PIWIL1: variants seen among roughly 807,000 people sequenced by gnomAD.
The protein encoded by PIWIL1 is piwi-like protein 1.
A neutral mutation model predicts 114.4 loss-of-function variants in PIWIL1; 73 were observed. That is an observed-to-expected ratio of 0.64 (90% CI 0.53 to 0.78). The LOEUF is 0.78. Ranked by LOEUF, PIWIL1 falls within the 30% of genes least tolerant of loss-of-function variation. PIWIL1 has a pLI of 0.00. For synonymous variants in PIWIL1, 375 were observed against 369.0 expected (o/e 1.02, Z -0.19); for missense variants, 723 against 1,063.1 (o/e 0.68, Z 4.45).
rs777684447 is a variant in PIWIL1 at position 130,349,911 on chromosome 12, A to T, written c.988A>T (p.Ser330Cys). Residue 330 changes from serine (S) to cysteine (C), a missense_variant, in exon 9 of 21, where the codon AGC (serine) becomes TGC (cysteine). Around this residue, in one of 8 missense-constraint regions of PIWIL1, gnomAD observed 298 missense variants for 420.8 expected, o/e 0.71. Coordinates refer to ENST00000245255, the MANE Select transcript of PIWIL1 (RefSeq NM_004764.5). ...DDIDWDQNPK[S>C]TFKKADGSEV... ...TATTGACTGGGACCAGAATCCCAAG[A>T]GCACCTTTAAGAAAGCCGACGGCTC... The T allele has an allele frequency of 6.2e-7, 1 of 1,613,566 alleles. No homozygotes were observed. The highest frequency in any genetic ancestry group is 2.2e-5 in the East Asian group (1 of 44,842).
intron 16 of PIWIL1, 22 bp downstream of exon 16, chr12:130,361,623 T>C: frequency 6.3e-7 from 1 of 1,579,410 alleles, no homozygotes; most frequent in Non-Finnish European, 8.7e-7. Flanking sequence ...TGGGCTACTG[T>C]GGGTGGCAGT....
chr12:130,367,283 G>A (rs2073686031), intron 19 of PIWIL1, 25 bp downstream of exon 19: 1 of 1,591,498 alleles, frequency 6.3e-7, no homozygotes, highest in African/African-American at 1.3e-5. Flanking sequence ...ATGAGCTGAA[G>A]GTTGTTTTCT....
chr12:130,393,514 C>T, the PIWIL1 span, among the ~76,000 whole-genome samples: 1 of 149,702 alleles, frequency 6.7e-6, no homozygotes, highest in East Asian at 2.0e-4. Flanking sequence ...ACCCAGTCAC[C>T]GTCATCACGT....
At chr12:130,390,691 T>C in the PIWIL1 span, among the ~76,000 whole-genome samples, 1 of 152,222 alleles carries the variant, frequency 6.6e-6, no homozygotes, top group African/African-American at 2.4e-5. Context: ...CCCCTTACTC[T>C]GAAGTCATTT....
downstream of PIWIL1, among the ~76,000 whole-genome samples, chr12:130,374,452 T>C (rs2073851706): frequency 6.6e-6 from 1 of 152,258 alleles, no homozygotes; most frequent in African/African-American, 2.4e-5. Flanking sequence ...AAAAATCCAT[T>C]GTGTACAATA....
the PIWIL1 span, among the ~76,000 whole-genome samples, chr12:130,410,612 G>C: frequency 1.3e-5 from 2 of 152,200 alleles, no homozygotes; most frequent in Non-Finnish European, 2.9e-5. Flanking sequence ...TGATTGAAAA[G>C]AGCATCCTTT....
intron 12 of PIWIL1, among the ~76,000 whole-genome samples, chr12:130,356,630 A>T (rs2073373290): frequency 6.6e-6 from 1 of 152,154 alleles, no homozygotes; most frequent in South Asian, 2.1e-4. Flanking sequence ...AAGATTTTTT[A>T]AAAGATTAAG....
At chr12:130,424,010 A>C in the PIWIL1 span, 1 of 451,954 alleles carries the variant, frequency 2.2e-6, no homozygotes, top group East Asian at 3.5e-5. The surrounding 1 kb of genome is among the most constrained non-coding windows in gnomAD (Gnocchi z 9.8). Context: ...GAAATCAAAA[A>C]TGCAGGGAAA....
chr12:130,377,032 A>G (rs11060851), downstream of PIWIL1, among the ~76,000 whole-genome samples: 4 of 152,100 alleles, frequency 2.6e-5, no homozygotes, highest in East Asian at 7.7e-4. Flanking sequence ...GCCCTCTGTG[A>G]CCACCCCCTG....
At chr12:130,378,729 T>C in the PIWIL1 span, among the ~76,000 whole-genome samples, 1 of 152,242 alleles carries the variant, frequency 6.6e-6, no homozygotes, top group African/African-American at 2.4e-5. Flanking sequence ...GCTGAGCATC[T>C]TTTTGTTTAC....
chr12:130,384,860 T>TA, the PIWIL1 span, among the ~76,000 whole-genome samples: 2 of 152,280 alleles, frequency 1.3e-5, no homozygotes, highest in Admixed American at 6.5e-5. Flanking sequence ...TTTTAAAAAA[T>TA]AAAAAATCTA....
chr12:130,411,038 T>G, the PIWIL1 span, among the ~76,000 whole-genome samples: 102 of 152,344 alleles, frequency 6.7e-4, no homozygotes, highest in African/African-American at 2.4e-3. Context: ...TTTTCTGATT[T>G]TCGGCATACA....
chr12:130,345,928 G>A (rs771327509), intron 4 of PIWIL1, 50 bp downstream of exon 4: 12 of 1,592,514 alleles, frequency 7.5e-6, no homozygotes, highest in Non-Finnish European at 1.7e-6. Context: ...AGGAACACAG[G>A]ACAGTGAATT....
rs768888963 is a variant in PIWIL1, at chr12:130,363,010, T to C, written c.2061T>C (p.Asn687=). 6.2e-6 allele frequency: 10 copies of C among 1,613,978 alleles called. No homozygotes were observed. Among genetic ancestry groups the C allele is most frequent in the South Asian group, 1.1e-5 (1 of 91,080 alleles). The change falls in exon 18 of 21, where the codon AAT becomes AAC. Residue 687 remains asparagine, a synonymous_variant. Coordinates refer to ENST00000245255, the MANE Select transcript of PIWIL1 (RefSeq NM_004764.5). ...VCLQAALRAW[N]SCNEYMPSRI... ...TTTCAGCGGCTCTGAGGGCTTGGAATAGCTGCAATGAGTACATGCCCAGCC... is the reference window on the plus strand; with the variant it reads ...TTTCAGCGGCTCTGAGGGCTTGGAACAGCTGCAATGAGTACATGCCCAGCC...
intron 3 of PIWIL1, among the ~76,000 whole-genome samples, chr12:130,343,730 A>G (rs2072993765): frequency 2.1e-5 from 3 of 145,894 alleles, no homozygotes; most frequent in South Asian, 2.1e-4. Flanking sequence ...GGTTCCTGCC[A>G]TTCTCCTGCC....
At chr12:130,412,255 C>T in the PIWIL1 span, among the ~76,000 whole-genome samples, 3 of 152,188 alleles carry the variant, frequency 2.0e-5, no homozygotes, top group Non-Finnish European at 2.9e-5. Flanking sequence ...GGCCCCCCAA[C>T]CACCCACTGA....
At chr12:130,402,123 A>G in the PIWIL1 span, among the ~76,000 whole-genome samples, 1 of 152,038 alleles carries the variant, frequency 6.6e-6, no homozygotes, top group East Asian at 1.9e-4. Flanking sequence ...TCCCTTCCCC[A>G]TGTCTGATGC....
At chr12:130,408,907 C>T in the PIWIL1 span, among the ~76,000 whole-genome samples, 3,172 of 152,242 alleles carry the variant, frequency 0.021, 123 homozygotes, top group African/African-American at 0.073. Flanking sequence ...AACATTCCAG[C>T]GATTACTCTC....
chr12:130,399,904 G>T, the PIWIL1 span: 1 of 1,397,768 alleles, frequency 7.2e-7, no homozygotes, highest in Non-Finnish European at 9.8e-7. Context: ...CAGAGTACAG[G>T]TACATGGTGA....
Sources: gnomAD v4.1 joint callset for allele counts (sites outside exome capture counted in the v4.1 genomes callset) on GRCh38, gnomAD v4.1.1 for gene constraint, gnomAD v4.1.1 regional missense constraint, Gnocchi (gnomAD v3.1) non-coding constraint, MANE v1.5 for transcripts, NCBI Gene and HGNC (gene_info 2026-07-23, HGNC 2026-07-21) for gene names.